The following SGCD variants were observed in gnomAD, a reference collection of about 807,000 sequenced individuals.
SGCD encodes the protein delta-sarcoglycan.
SGCD carries 18 observed loss-of-function variants against 36.6 expected under a neutral mutation model. The observed-to-expected ratio is 0.49, with a 90% CI of 0.34 to 0.73. The LOEUF (loss-of-function observed/expected upper bound fraction) is 0.73, where lower values mean the gene tolerates loss of function less well. SGCD is among the 30% of genes least tolerant of loss of function. The probability of loss-of-function intolerance (pLI) is 0.01; values close to 1 mark genes in which losing one functional copy is unlikely to be tolerated. For synonymous variants in SGCD, 133 were observed against 130.6 expected (o/e 1.02, Z -0.12); for missense variants, 387 against 346.7 (o/e 1.12, Z -0.92).
chr5:156,220,774 T>C (rs757467517), intron 3 of SGCD, among the ~76,000 whole-genome samples: 5 of 152,172 alleles, frequency 3.3e-5, no homozygotes, highest in Non-Finnish European at 5.9e-5. Context: ...ACATTTCTAC[T>C]TGTAGCAAGT....
intron 4 of SGCD, among the ~76,000 whole-genome samples, chr5:156,572,585 G>C (rs1410037507): frequency 6.6e-6 from 1 of 152,102 alleles, no homozygotes; most frequent in Non-Finnish European, 1.5e-5. Context: ...TCTCCAACCT[G>C]AAGTCTTTTA....
At chr5:156,505,170 C>T (rs1038203889) in intron 3 of SGCD, among the ~76,000 whole-genome samples, 3 of 152,168 alleles carry the variant, frequency 2.0e-5, no homozygotes, top group Non-Finnish European at 2.9e-5. Flanking sequence ...TCCGCATTGC[C>T]GTGTTTCCCT....
rs33983852 is a variant in SGCD at position 156,122,843 on chromosome 5, TAAAAAAAAAAAAAAAAAAAAA to T, written c.-207-992_-207-972del. Among the ~76,000 whole-genome samples, 157 of 54,172 alleles carry T rather than the reference TAAAAAAAAAAAAAAAAAAAAA, an allele frequency of 2.9e-3. 4 individuals are homozygous for T. Among genetic ancestry groups the T allele is most frequent in the African/African-American group, 0.011 (139 of 12,350 alleles). The allele number at this position is 54,172 out of a possible 152,430, so 35.5% of individuals were successfully genotyped here. ...ACCAGCATGGTAGTAAAAGATGTGG[TAAAAAAAAAAAAAAAAAAAAA>T]AAAAAAAAAAAAAAAAAAAAGGTCA... On this transcript the variant is annotated intron_variant, in intron 2 of 9. Coordinates refer to the SGCD transcript ENST00000517913.
chr5:156,166,897 G>C (rs1473855895), intron 3 of SGCD, among the ~76,000 whole-genome samples: 5 of 152,144 alleles, frequency 3.3e-5, no homozygotes, highest in Admixed American at 6.5e-5. Flanking sequence ...AACCTGCGGG[G>C]CGAAGACAGC....
chr5:155,743,672 A>C, the SGCD span, among the ~76,000 whole-genome samples: 1 of 152,218 alleles, frequency 6.6e-6, no homozygotes, highest in Non-Finnish European at 1.5e-5. Flanking sequence ...GTTTCAATGC[A>C]CTGCTAGGCC....
intron 3 of SGCD, among the ~76,000 whole-genome samples, chr5:156,315,743 T>G (rs1471725977): frequency 6.6e-6 from 1 of 152,010 alleles, no homozygotes. Flanking sequence ...GTCTTTTTGA[T>G]AGTAGCCATC....
intron 1 of SGCD, among the ~76,000 whole-genome samples, chr5:156,117,176 T>C (rs1259176735): frequency 1.3e-5 from 2 of 152,092 alleles, no homozygotes; most frequent in African/African-American, 4.8e-5. Context: ...GAAATGGACA[T>C]GAAACAGAGT....
chr5:155,951,918 C>T (rs1244698923), intron 1 of SGCD, among the ~76,000 whole-genome samples: 1 of 152,190 alleles, frequency 6.6e-6, no homozygotes, highest in Non-Finnish European at 1.5e-5. Flanking sequence ...CATATGTCCT[C>T]TGACCACAAA....
chr5:156,530,786 GC>G (rs1301663012), intron 4 of SGCD, among the ~76,000 whole-genome samples: 2 of 151,834 alleles, frequency 1.3e-5, no homozygotes, highest in Non-Finnish European at 2.9e-5. Flanking sequence ...CCCCATGTTG[GC>G]CAGACTGGTC....
chr5:155,937,109 A>C (rs986447610), intron 1 of SGCD, among the ~76,000 whole-genome samples: 1 of 152,206 alleles, frequency 6.6e-6, no homozygotes, highest in Non-Finnish European at 1.5e-5. Flanking sequence ...CCAGGTCTGC[A>C]GCCATGACTT....
intron 1 of SGCD, among the ~76,000 whole-genome samples, chr5:155,993,510 A>T (rs1238796408): frequency 6.6e-6 from 1 of 151,368 alleles, no homozygotes; most frequent in East Asian, 1.9e-4. Context: ...CAGCCAGCTA[A>T]TTTTTTGTAT....
the SGCD span, among the ~76,000 whole-genome samples, chr5:155,800,832 T>G: frequency 6.6e-6 from 1 of 152,220 alleles, no homozygotes; most frequent in Admixed American, 6.5e-5. Flanking sequence ...AGTCTGTGTT[T>G]TCCTTTGTGA....
rs936829862 is a variant in SGCD at position 156,052,794 on chromosome 5, G to T, written c.-281-65084G>T. 8.2e-5 allele frequency among the ~76,000 whole-genome samples: 12 copies of T among 146,282 alleles called. 1 individual carries two copies. The highest frequency in any genetic ancestry group is 3.0e-4 in the African/African-American group (12 of 40,598). On this transcript the variant is annotated intron_variant, in intron 1 of 9. Coordinates refer to the SGCD transcript ENST00000517913. ...GTCTCTCTTGCCATCTGTCATGATG[G>T]TGTTTTATTTGCTGCTTAATGTCAC...
At chr5:155,856,643 AT>A in the SGCD span, among the ~76,000 whole-genome samples, 4 of 152,156 alleles carry the variant, frequency 2.6e-5, no homozygotes, top group African/African-American at 9.7e-5. Context: ...AATTTCTTAA[AT>A]TTTAATAAGA....
the SGCD span, among the ~76,000 whole-genome samples, chr5:155,740,238 A>G: frequency 3.9e-5 from 6 of 152,208 alleles, no homozygotes; most frequent in African/African-American, 1.2e-4. Context: ...AGCTGGGACT[A>G]CAGACAGAAG....
intron 3 of SGCD, among the ~76,000 whole-genome samples, chr5:156,445,412 T>C (rs1052658258): frequency 1.3e-5 from 2 of 152,170 alleles, no homozygotes; most frequent in Admixed American, 6.5e-5. Context: ...GAAGTGTATT[T>C]ATTTAATTTG....
chr5:156,072,270 A>C (rs10476273), intron 1 of SGCD, among the ~76,000 whole-genome samples: 1 of 151,636 alleles, frequency 6.6e-6, no homozygotes, highest in Non-Finnish European at 1.5e-5. Flanking sequence ...GGCTGGTACC[A>C]GTTGTTCCTT....
intron 3 of SGCD, among the ~76,000 whole-genome samples, chr5:156,450,530 A>G (rs1440752506): frequency 6.8e-6 from 1 of 146,368 alleles, no homozygotes; most frequent in Non-Finnish European, 1.5e-5. Context: ...AAGCTGAGAC[A>G]TTCATTAAAA....
At chr5:156,308,472 G>A (rs1398806371) in intron 3 of SGCD, among the ~76,000 whole-genome samples, 1 of 151,992 alleles carries the variant, frequency 6.6e-6, no homozygotes. Flanking sequence ...CTAATTTTTT[G>A]TATTTTTAGT....
Sources: gnomAD v4.1 joint callset for allele counts (sites outside exome capture counted in the v4.1 genomes callset) on GRCh38, gnomAD v4.1.1 for gene constraint, MANE v1.5 for transcripts, NCBI Gene and HGNC (gene_info 2026-07-23, HGNC 2026-07-21) for gene names.